NPY2R: variants seen among roughly 807,000 people sequenced by gnomAD.
NPY2R encodes the protein neuropeptide Y receptor Y2.
NPY2R carries 17 observed loss-of-function variants against 22.3 expected under a neutral mutation model. That is an observed-to-expected ratio of 0.76 (90% confidence interval 0.52 to 1.14). The LOEUF is 1.14. Ranked by LOEUF, NPY2R falls within the 50% of genes most tolerant of loss-of-function variation. The probability of loss-of-function intolerance (pLI) is 0.00; values close to 1 mark genes in which losing one functional copy is unlikely to be tolerated. For missense variants in NPY2R, 424 were observed against 467.9 expected, an observed-to-expected ratio of 0.91 and a Z score of 0.87; for synonymous variants, 209 against 183.4, an observed-to-expected ratio of 1.14 and a Z score of -1.13.
the NPY2R span, among the ~76,000 whole-genome samples, chr4:155,195,358 T>C: frequency 2.0e-5 from 3 of 152,080 alleles, no homozygotes; most frequent in African/African-American, 4.8e-5. Flanking sequence ...TTGGAGAGTT[T>C]GATAATTGCA....
At chr4:155,203,772 G>A (rs73855379), upstream of NPY2R, among the ~76,000 whole-genome samples, 3,366 of 152,196 alleles carry the variant, frequency 0.022, 114 homozygotes, top group African/African-American at 0.078. Flanking sequence ...TTCACTAAAC[G>A]TATCAAGCAT....
At chr4:155,206,067 T>C (rs1049000697), upstream of NPY2R, among the ~76,000 whole-genome samples, 1 of 152,190 alleles carries the variant, frequency 6.6e-6, no homozygotes, top group Admixed American at 6.5e-5. Context: ...GTTTTTGTGC[T>C]CTTCAAGGTG....
At chr4:155,183,240 G>A in the NPY2R span, among the ~76,000 whole-genome samples, 13,396 of 152,186 alleles carry the variant, frequency 0.088, 871 homozygotes, top group South Asian at 0.28. Flanking sequence ...ATAAGCAATC[G>A]ACTCACACTC....
chr4:155,195,465 G>A, the NPY2R span, among the ~76,000 whole-genome samples: 4 of 152,060 alleles, frequency 2.6e-5, no homozygotes, highest in South Asian at 8.3e-4. Flanking sequence ...CAATTTTGAT[G>A]AAGGGAACCA....
chr4:155,215,844 T>A lies in NPY2R; in HGVS notation c.*759T>A, dbSNP rs1040921878. 1 of 167,062 alleles carries A rather than the reference T, an allele frequency of 6.0e-6. No individual in the cohort carries two copies. The highest frequency in any genetic ancestry group is 1.5e-5 in the Non-Finnish European group (1 of 68,222). 10.3% of individuals were successfully genotyped at this position (167,062 alleles called of 1,614,324 possible). On this transcript the variant is annotated 3_prime_UTR_variant, in exon 2 of 2. Transcript: ENST00000329476. ...TTCTAATTTCAAGTTACATCCGCTT[T>A]ATGGAGATACTATTTAGATAACAAG...
chr4:155,187,014 T>C, the NPY2R span, among the ~76,000 whole-genome samples: 1 of 152,198 alleles, frequency 6.6e-6, no homozygotes, highest in African/African-American at 2.4e-5. Context: ...GTCTTATTAT[T>C]CTCTATGAAG....
At chr4:155,188,785 C>T in the NPY2R span, among the ~76,000 whole-genome samples, 4 of 152,070 alleles carry the variant, frequency 2.6e-5, no homozygotes, top group Non-Finnish European at 5.9e-5. Context: ...CTTTCCCAGT[C>T]AAACCTCAGA....
chr4:155,198,685 A>G, the NPY2R span, among the ~76,000 whole-genome samples: 1 of 142,168 alleles, frequency 7.0e-6, no homozygotes, highest in Admixed American at 7.2e-5. Context: ...CAAATTTAAT[A>G]TATGCCTCTT....
the NPY2R span, among the ~76,000 whole-genome samples, chr4:155,201,334 G>A: frequency 2.0e-5 from 3 of 152,108 alleles, no homozygotes; most frequent in Non-Finnish European, 2.9e-5. Flanking sequence ...TCTTTGGAAA[G>A]CTAAAATCCA....
the NPY2R span, among the ~76,000 whole-genome samples, chr4:155,178,326 A>G: frequency 6.6e-6 from 1 of 152,160 alleles, no homozygotes; most frequent in Non-Finnish European, 1.5e-5. Flanking sequence ...ATGTGGCAGT[A>G]AATATTTATC....
At chr4:155,198,808 A>G in the NPY2R span, among the ~76,000 whole-genome samples, 4 of 151,750 alleles carry the variant, frequency 2.6e-5, no homozygotes, top group Admixed American at 1.3e-4. Context: ...ACCAACTTCT[A>G]TGCATTACTC....
upstream of NPY2R, among the ~76,000 whole-genome samples, chr4:155,204,013 C>T (rs922101390): frequency 2.6e-5 from 4 of 152,116 alleles, no homozygotes; most frequent in Admixed American, 1.3e-4. Flanking sequence ...CTGTGCTCTT[C>T]CTCCCTTCCT....
chr4:155,181,853 C>A, the NPY2R span, among the ~76,000 whole-genome samples: 1 of 152,110 alleles, frequency 6.6e-6, no homozygotes, highest in Non-Finnish European at 1.5e-5. Context: ...GTGGGACTAG[C>A]ACAGACTTCC....
chr4:155,206,184 T>C (rs1729280650), upstream of NPY2R, among the ~76,000 whole-genome samples: 1 of 152,220 alleles, frequency 6.6e-6, no homozygotes, highest in Admixed American at 6.5e-5. Context: ...TGTTGTCTAT[T>C]TGAAGAGCAG....
In NPY2R at chr4:155,214,733, A is replaced by G; in HGVS notation, c.794A>G (p.Lys265Arg). ...GACCACTACCATCAGCGAAGGCAAA[A>G]AACCACCAAAATGCTGGTGTGTGTG... The part of the protein sequence containing the change: ...ANDHYHQRRQ[K>R]TTKMLVCVVV... Residue 265 changes from lysine to arginine, a missense_variant, in exon 2 of 2, where the codon AAA becomes AGA. Lys to Arg is a conservative substitution (Grantham distance 26). Transcript: ENST00000329476. 6.2e-7 allele frequency: 1 copy of G among 1,614,204 alleles called. No homozygotes were observed. Among genetic ancestry groups the G allele is most frequent in the Non-Finnish European group, 8.5e-7 (1 of 1,180,034 alleles).
At chr4:155,201,477 A>G in the NPY2R span, among the ~76,000 whole-genome samples, 1 of 152,160 alleles carries the variant, frequency 6.6e-6, no homozygotes, top group Admixed American at 6.5e-5. Flanking sequence ...AGTTGATGCC[A>G]CATGGATCAG....
chr4:155,199,699 C>T, the NPY2R span, among the ~76,000 whole-genome samples: 2 of 152,070 alleles, frequency 1.3e-5, no homozygotes, highest in Non-Finnish European at 2.9e-5. Context: ...ACAGAGACCT[C>T]AGAAATAACA....
At chr4:155,182,788 TTTTG>T in the NPY2R span, among the ~76,000 whole-genome samples, 16 of 151,862 alleles carry the variant, frequency 1.1e-4, no homozygotes, top group African/African-American at 2.9e-4. Flanking sequence ...TGTTCTAGGT[TTTTG>T]TTTGTTTGTT....
chr4:155,205,855 A>G (rs1729275368), upstream of NPY2R, among the ~76,000 whole-genome samples: 1 of 149,724 alleles, frequency 6.7e-6, no homozygotes, highest in African/African-American at 2.5e-5. Flanking sequence ...CTATCTATCT[A>G]TGATTTCTTA....
Sources: allele counts gnomAD v4.1 joint callset (sites outside exome capture counted in the v4.1 genomes callset), GRCh38; gene constraint gnomAD v4.1.1; transcripts MANE v1.5; gene names NCBI Gene and HGNC (gene_info 2026-07-23, HGNC 2026-07-21).